The following GRID2 variants were observed in gnomAD, a reference collection of about 807,000 sequenced individuals.
The protein encoded by GRID2 is glutamate receptor ionotropic, delta-2.
Under a neutral mutation model 114.8 loss-of-function variants are expected in GRID2, and 33 were observed. The ratio of observed to expected loss-of-function variants is 0.29; its 90% confidence interval spans 0.22 to 0.38. The LOEUF (loss-of-function observed/expected upper bound fraction) is 0.38, where lower values mean the gene tolerates loss of function less well. Among genes scored for constraint, GRID2 ranks in the 10% least tolerant of loss-of-function variants. GRID2 has a pLI of 1.00. For synonymous variants in GRID2, 505 were observed against 449.9 expected (o/e 1.12, Z -1.55); for missense variants, 1,184 against 1,257.7 (o/e 0.94, Z 0.89).
At chr4:93,180,270 C>T (rs1376904693) in intron 4 of GRID2, among the ~76,000 whole-genome samples, 1 of 152,008 alleles carries the variant, frequency 6.6e-6, no homozygotes, top group Non-Finnish European at 1.5e-5. Flanking sequence ...TATGTTTGCA[C>T]TATACTGTAG....
intron 14 of GRID2, among the ~76,000 whole-genome samples, chr4:93,648,789 A>T (rs1418557789): frequency 1.3e-5 from 2 of 151,976 alleles, no homozygotes; most frequent in African/African-American, 4.8e-5. Context: ...ATGGTCTTTG[A>T]CTTCTTTGCT....
chr4:93,385,427 C>T (rs1764223478), intron 8 of GRID2, among the ~76,000 whole-genome samples: 1 of 152,114 alleles, frequency 6.6e-6, no homozygotes. Context: ...AACCTGCATG[C>T]CACAAAACTC....
chr4:92,929,584 A>C (rs1296761209), intron 2 of GRID2, among the ~76,000 whole-genome samples: 1 of 151,418 alleles, frequency 6.6e-6, no homozygotes, highest in Non-Finnish European at 1.5e-5. Flanking sequence ...TAACTTGTGA[A>C]CTAAATGAGC....
chr4:92,343,673 A>G (rs982046210), intron 1 of GRID2, among the ~76,000 whole-genome samples: 14 of 152,252 alleles, frequency 9.2e-5, no homozygotes, highest in African/African-American at 3.1e-4. Flanking sequence ...TCCGAGGTTC[A>G]AGCAATTCTC....
chr4:93,637,670 G>C (rs1721535842), intron 14 of GRID2, among the ~76,000 whole-genome samples: 1 of 152,120 alleles, frequency 6.6e-6, no homozygotes, highest in Non-Finnish European at 1.5e-5. Flanking sequence ...AAACTGTCTT[G>C]CATCAGCTGA....
intron 2 of GRID2, among the ~76,000 whole-genome samples, chr4:92,706,286 A>G (rs1734954117): frequency 6.6e-6 from 1 of 151,814 alleles, no homozygotes; most frequent in Non-Finnish European, 1.5e-5. Flanking sequence ...GGGTTATTCT[A>G]AAAAAAGATT....
chr4:92,931,604 A>G (rs1750239723), intron 2 of GRID2, among the ~76,000 whole-genome samples: 5 of 150,624 alleles, frequency 3.3e-5, no homozygotes, highest in Admixed American at 2.7e-4. Context: ...ACAACTACCC[A>G]AGGCTACAAG....
intron 2 of GRID2, among the ~76,000 whole-genome samples, chr4:92,728,910 AAAG>A (rs1459234821): frequency 6.6e-6 from 1 of 152,090 alleles, no homozygotes; most frequent in Non-Finnish European, 1.5e-5. Context: ...TTGAGACAAA[AAAG>A]AATTACATAG....
intron 13 of GRID2, among the ~76,000 whole-genome samples, chr4:93,602,460 C>T (rs150497408): frequency 6.6e-6 from 1 of 152,276 alleles, no homozygotes; most frequent in Non-Finnish European, 1.5e-5. Flanking sequence ...CCATTTTTCC[C>T]AACAGTGTCT....
At chr4:92,938,401 T>A (rs1351711689) in intron 2 of GRID2, among the ~76,000 whole-genome samples, 1 of 146,512 alleles carries the variant, frequency 6.8e-6, no homozygotes, top group East Asian at 2.2e-4. Context: ...TGCAGTCAAT[T>A]GAAATTCCCT....
chr4:93,572,915 A>G (rs1435225211), intron 13 of GRID2, among the ~76,000 whole-genome samples: 2 of 152,134 alleles, frequency 1.3e-5, no homozygotes, highest in Non-Finnish European at 2.9e-5. Context: ...TACATATTTT[A>G]AAGAAGTGTG....
chr4:93,625,420 A>G (rs902068845), intron 13 of GRID2, among the ~76,000 whole-genome samples: 2 of 152,216 alleles, frequency 1.3e-5, no homozygotes, highest in Non-Finnish European at 2.9e-5. Flanking sequence ...AGTATAGTAA[A>G]CATTCGACCT....
chr4:92,669,907 C>A (rs1732973353), intron 2 of GRID2, among the ~76,000 whole-genome samples: 1 of 151,980 alleles, frequency 6.6e-6, no homozygotes, highest in Non-Finnish European at 1.5e-5. Flanking sequence ...GCATTCTAAT[C>A]AACTAAAGAG....
intron 4 of GRID2, among the ~76,000 whole-genome samples, chr4:93,127,425 G>A (rs1450948809): frequency 6.6e-6 from 1 of 152,176 alleles, no homozygotes. Context: ...TACATAAACT[G>A]AGAAGCATAA....
rs77644358 is a variant in GRID2 at position 92,619,905 on chromosome 4, T to TCC, written c.244+29623_244+29624dup. ...GCGAAGTTACACATGCCTTTTTTTT[T>TCC]CCCCCACAGGAGGGATAGAGAAATT... On this transcript the variant is annotated intron_variant, in intron 2 of 15. Transcript: ENST00000282020. Among the ~76,000 whole-genome samples the TCC allele has an allele frequency of 6.7e-3, 1,020 of 151,752 alleles. 13 individuals are homozygous for TCC. The highest frequency in any genetic ancestry group is 0.064 in the East Asian group (329 of 5,104).
chr4:93,156,203 A>G (rs188524762), intron 4 of GRID2, among the ~76,000 whole-genome samples: 23 of 151,906 alleles, frequency 1.5e-4, no homozygotes, highest in Non-Finnish European at 3.2e-4. Flanking sequence ...ATGAGTTTAT[A>G]GAGTAAATAA....
chr4:92,999,923 A>G (rs987854825), intron 2 of GRID2, among the ~76,000 whole-genome samples: 2 of 151,708 alleles, frequency 1.3e-5, no homozygotes, highest in African/African-American at 2.4e-5. Flanking sequence ...TTCATCAGGA[A>G]CAGTTTGTCC....
intron 4 of GRID2, among the ~76,000 whole-genome samples, chr4:93,158,209 A>G (rs1463750161): frequency 1.3e-5 from 2 of 151,784 alleles, no homozygotes; most frequent in Non-Finnish European, 2.9e-5. Flanking sequence ...CTCTGCTGCA[A>G]TTCGTTATGC....
chr4:93,679,214 A>T (rs958831816), intron 14 of GRID2, among the ~76,000 whole-genome samples: 15 of 151,372 alleles, frequency 9.9e-5, no homozygotes, highest in African/African-American at 3.7e-4. Flanking sequence ...GATCAATTCA[A>T]CAGGAAGAGC....
Sources: allele counts gnomAD v4.1 joint callset (sites outside exome capture counted in the v4.1 genomes callset), GRCh38; gene constraint gnomAD v4.1.1; transcripts MANE v1.5; gene names NCBI Gene and HGNC (gene_info 2026-07-23, HGNC 2026-07-21).